Variants in CACNA2D3 observed in about 807,000 individuals in gnomAD.
CACNA2D3 encodes the protein calcium voltage-gated channel auxiliary subunit alpha2delta 3.
A neutral mutation model predicts 160.6 loss-of-function variants in CACNA2D3; 60 were observed. That is an observed-to-expected ratio of 0.37 (90% CI 0.30 to 0.46). The LOEUF (loss-of-function observed/expected upper bound fraction) is 0.46, where lower values mean the gene tolerates loss of function less well. Ranked by LOEUF, CACNA2D3 falls within the 20% of genes least tolerant of loss-of-function variation. The probability of loss-of-function intolerance (pLI) is 1.00; values close to 1 mark genes in which losing one functional copy is unlikely to be tolerated. For synonymous variants in CACNA2D3, 558 were observed against 492.9 expected (o/e 1.13, Z -1.75); for missense variants, 1,205 against 1,365.0 (o/e 0.88, Z 1.85).
chr3:55,055,189 C>T (rs943863995), intron 35 of CACNA2D3, among the ~76,000 whole-genome samples: 2 of 152,028 alleles, frequency 1.3e-5, no homozygotes, highest in African/African-American at 4.8e-5. Flanking sequence ...TTTATAGTAT[C>T]TGGTGTTACA....
chr3:54,419,529 T>C (rs1330888814), intron 4 of CACNA2D3, among the ~76,000 whole-genome samples: 1 of 152,236 alleles, frequency 6.6e-6, no homozygotes, highest in Non-Finnish European at 1.5e-5. Flanking sequence ...CTCTTATGAT[T>C]GCCACAAGTA....
In CACNA2D3 at chr3:54,911,101, A is replaced by G. The variant is rs184141752; in HGVS notation, c.2449+11233A>G. Among the ~76,000 whole-genome samples, 234 of 152,310 alleles carry G rather than the reference A, an allele frequency of 1.5e-3. 1 individual carries two copies. The highest frequency in any genetic ancestry group is 5.4e-3 in the African/African-American group (224 of 41,578). ...TCTTAGTCATTACATCGTTTCATTC[A>G]TAAATACGTCAGCCTACATCTTTAA... On this transcript the variant is annotated intron_variant, in intron 27 of 37. Coordinates refer to ENST00000474759, the MANE Select transcript of CACNA2D3 (RefSeq NM_018398.3).
intron 11 of CACNA2D3, among the ~76,000 whole-genome samples, chr3:54,667,806 G>A (rs372981989): frequency 7.8e-4 from 118 of 151,916 alleles, no homozygotes; most frequent in African/African-American, 2.7e-3. Flanking sequence ...AAAAAGCCAG[G>A]CATGGTGGTG....
intron 14 of CACNA2D3, among the ~76,000 whole-genome samples, chr3:54,822,790 C>CTTTCCTTCCTTT (rs1491160047): frequency 6.9e-5 from 5 of 71,960 alleles, no homozygotes; most frequent in East Asian, 9.3e-4. Flanking sequence ...TTCTTTCTTT[C>CTTTCCTTCCTTT]CTTTCTTTCT....
rs142522052 is a variant in CACNA2D3 at position 55,028,987 on chromosome 3, C to T, written c.2987+10670C>T. 2.7e-3 allele frequency among the ~76,000 whole-genome samples: 416 copies of T among 152,268 alleles called. 2 individuals carry two copies. The highest frequency in any genetic ancestry group is 9.5e-3 in the African/African-American group (396 of 41,550). On this transcript the variant is annotated intron_variant, in intron 35 of 37. Transcript: ENST00000474759. ...GTCTCGAAGCTGTGTTGACATGTTT[C>T]GTGGGCTACAGTTCAGAAAACCATA...
At chr3:54,758,678 C>T (rs1702023442) in intron 12 of CACNA2D3, among the ~76,000 whole-genome samples, 1 of 152,136 alleles carries the variant, frequency 6.6e-6, no homozygotes, top group East Asian at 1.9e-4. Context: ...GGAATGCAAA[C>T]CAGGGAAGCC....
chr3:54,322,540 G>T (rs1276316617), intron 3 of CACNA2D3, among the ~76,000 whole-genome samples: 1 of 152,220 alleles, frequency 6.6e-6, no homozygotes, highest in Non-Finnish European at 1.5e-5. Flanking sequence ...CGTGGGCAGG[G>T]CTCAGCAGAG....
At chr3:54,275,891 G>A (rs1371601173) in intron 2 of CACNA2D3, among the ~76,000 whole-genome samples, 1 of 152,098 alleles carries the variant, frequency 6.6e-6, no homozygotes, top group Non-Finnish European at 1.5e-5. Flanking sequence ...GCCTCCCAAA[G>A]TGCTGGGACT....
chr3:54,776,181 A>G (rs990955644), intron 13 of CACNA2D3, among the ~76,000 whole-genome samples: 4 of 152,188 alleles, frequency 2.6e-5, no homozygotes, highest in Non-Finnish European at 2.9e-5. Context: ...AGGCCAAGGG[A>G]TAGAAACAGA....
chr3:54,298,693 C>T (rs1242401515), intron 2 of CACNA2D3, among the ~76,000 whole-genome samples: 1 of 152,008 alleles, frequency 6.6e-6, no homozygotes, highest in Non-Finnish European at 1.5e-5. Flanking sequence ...CCAGCTATAG[C>T]TACTCAGGAG....
chr3:54,813,201 G>A (rs1307685384), intron 13 of CACNA2D3, among the ~76,000 whole-genome samples: 1 of 152,196 alleles, frequency 6.6e-6, no homozygotes, highest in African/African-American at 2.4e-5. Flanking sequence ...CCTACAGTCT[G>A]CGGTGTGGGC....
intron 4 of CACNA2D3, among the ~76,000 whole-genome samples, chr3:54,469,499 C>T (rs563713326): frequency 1.3e-5 from 2 of 151,894 alleles, no homozygotes; most frequent in Non-Finnish European, 2.9e-5. Context: ...GCTGAAAATT[C>T]CAAAAACCAG....
chr3:54,884,245 G>C (rs1457818864), intron 21 of CACNA2D3, among the ~76,000 whole-genome samples: 2 of 152,218 alleles, frequency 1.3e-5, no homozygotes, highest in Admixed American at 1.3e-4. Context: ...AGTATTACTT[G>C]TATCTCATGG....
At chr3:54,881,625 C>T (rs1699798361) in intron 21 of CACNA2D3, among the ~76,000 whole-genome samples, 1 of 152,164 alleles carries the variant, frequency 6.6e-6, no homozygotes, top group Admixed American at 6.5e-5. Flanking sequence ...TGAAGGGCAC[C>T]ACTCCCTGAG....
At chr3:54,266,251 T>C (rs1702515252) in intron 2 of CACNA2D3, among the ~76,000 whole-genome samples, 1 of 152,208 alleles carries the variant, frequency 6.6e-6, no homozygotes, top group African/African-American at 2.4e-5. Context: ...ATCTTAGTAA[T>C]GCTTCTTAGA....
intron 13 of CACNA2D3, among the ~76,000 whole-genome samples, chr3:54,801,641 G>A (rs1250699650): frequency 2.6e-5 from 4 of 152,086 alleles, no homozygotes; most frequent in Non-Finnish European, 4.4e-5. Flanking sequence ...ATCATAGGGA[G>A]CTTTAAATGT....
rs560299881 is a variant in CACNA2D3 at position 54,440,969 on chromosome 3, C to T, written c.381+54195C>T. Among the ~76,000 whole-genome samples, 29 of 152,226 alleles carry T rather than the reference C, an allele frequency of 1.9e-4. No individual in the cohort carries two copies. In the South Asian group the frequency reaches 2.3e-3, roughly 12 times the overall value. ...CATACGTGTGCATGTGTCTTTATAGCAGCATGATTTATAGTCCTTTGGGTA... is the reference window on the plus strand; with the variant it reads ...CATACGTGTGCATGTGTCTTTATAGTAGCATGATTTATAGTCCTTTGGGTA... On this transcript the variant is annotated intron_variant, in intron 4 of 37. Transcript: ENST00000474759.
intron 34 of CACNA2D3, among the ~76,000 whole-genome samples, chr3:55,017,414 C>A (rs961311574): frequency 2.0e-5 from 3 of 152,092 alleles, no homozygotes; most frequent in African/African-American, 7.2e-5. Flanking sequence ...AGAATGCTAC[C>A]GTTATCTTTG....
chr3:54,518,000 G>T (rs1701581578), intron 5 of CACNA2D3, among the ~76,000 whole-genome samples: 1 of 152,130 alleles, frequency 6.6e-6, no homozygotes, highest in South Asian at 2.1e-4. Flanking sequence ...GTCGTTCTGG[G>T]GCTGGGCTTT....
Sources: gnomAD v4.1 joint callset for allele counts (sites outside exome capture counted in the v4.1 genomes callset) on GRCh38, gnomAD v4.1.1 for gene constraint, MANE v1.5 for transcripts, NCBI Gene and HGNC (gene_info 2026-07-23, HGNC 2026-07-21) for gene names.